The following USP36 variants were observed in gnomAD, a reference collection of about 807,000 sequenced individuals.
USP36 encodes the protein ubiquitin carboxyl-terminal hydrolase 36.
Under a neutral mutation model 111.5 loss-of-function variants are expected in USP36, and 59 were observed. The ratio of observed to expected loss-of-function variants is 0.53; its 90% CI spans 0.43 to 0.66. USP36 has a LOEUF of 0.66. Ranked by LOEUF, USP36 falls within the 30% of genes least tolerant of loss-of-function variation. The pLI is 0.00. For missense variants in USP36, 1,488 were observed against 1,468.0 expected (o/e 1.01, Z -0.22); for synonymous variants, 628 against 581.0 (o/e 1.08, Z -1.16).
downstream of USP36, among the ~76,000 whole-genome samples, chr17:78,793,359 G>C (rs1210168800): frequency 6.6e-6 from 1 of 152,112 alleles, no homozygotes; most frequent in Non-Finnish European, 1.5e-5. Flanking sequence ...TGAAGACCAA[G>C]GGCAGAAATC....
At chr17:78,833,932 T>C (rs531335228) in intron 4 of USP36, among the ~76,000 whole-genome samples, 3 of 152,156 alleles carry the variant, frequency 2.0e-5, no homozygotes, top group Admixed American at 6.6e-5. Context: ...GTGTAAAGGA[T>C]TGGAATTGTT....
chr17:78,824,854 A>C (rs995788320), intron 6 of USP36, among the ~76,000 whole-genome samples: 1 of 152,222 alleles, frequency 6.6e-6, no homozygotes, highest in Non-Finnish European at 1.5e-5. Flanking sequence ...AACCCTGCAA[A>C]AGCAGGGGCT....
At chr17:78,836,079 G>C (rs1015771627) in intron 3 of USP36, 32 bp downstream of exon 3, 1 of 1,603,100 alleles carries the variant, frequency 6.2e-7, no homozygotes, top group African/African-American at 1.3e-5. Flanking sequence ...CCGGAGTGAG[G>C]GCCTCTCTGC....
chr17:78,838,970 A>G (rs1468308483), intron 1 of USP36, among the ~76,000 whole-genome samples: 1 of 152,098 alleles, frequency 6.6e-6, no homozygotes, highest in Non-Finnish European at 1.5e-5. Flanking sequence ...TTGACCCCAG[A>G]CAAGCCCAGA....
intron 17 of USP36, 108 bp from the exon 18 acceptor site, chr17:78,799,876 CCTTTTTT>C: frequency 5.0e-6 from 1 of 201,664 alleles, no homozygotes; most frequent in South Asian, 1.1e-4. Flanking sequence ...TGGATGCTTG[CCTTTTTT>C]TTTTTTTTTT....
intron 4 of USP36, among the ~76,000 whole-genome samples, chr17:78,833,339 T>G (rs1272192494): frequency 6.6e-6 from 1 of 151,986 alleles, no homozygotes; most frequent in Non-Finnish European, 1.5e-5. Flanking sequence ...TAAAGTGCAG[T>G]GGTGTGATCT....
At position 78,798,640 on chromosome 17, in the gene USP36, A is replaced by G; in HGVS notation, c.3241-89T>C. The G allele has an allele frequency of 1.3e-6, 2 of 1,579,912 alleles. No individual in the cohort carries two copies. Among genetic ancestry groups the G allele is most frequent in the South Asian group, 2.3e-5 (2 of 88,720 alleles). ...CATGCTGCATGCAGGTCCTGCACAC[A>G]GGCCGGGCTCTCATGAGCTCTCTGG... On this transcript the variant is annotated intron_variant, in intron 19 of 20. Coordinates refer to ENST00000449938, the MANE Select transcript of USP36 (RefSeq NM_001385174.1). The surrounding 1 kb of genome is among the most constrained non-coding windows in gnomAD (Gnocchi z 5.1).
chr17:78,816,599 C>G (rs2094195308), intron 10 of USP36, among the ~76,000 whole-genome samples: 1 of 151,542 alleles, frequency 6.6e-6, no homozygotes, highest in African/African-American at 2.4e-5. Flanking sequence ...GCACTCTAGC[C>G]TGGGTGACAG....
At chr17:78,808,548 G>T (rs1343362011) in intron 13 of USP36, among the ~76,000 whole-genome samples, 1 of 152,198 alleles carries the variant, frequency 6.6e-6, no homozygotes, top group Non-Finnish European at 1.5e-5. Flanking sequence ...ACTGCACCCT[G>T]CCTGTCGGCC....
intron 12 of USP36, 144 bp downstream of exon 12, chr17:78,813,629 C>A: frequency 1.4e-6 from 1 of 696,558 alleles, no homozygotes. Flanking sequence ...GTGTCCTTCC[C>A]TGTGGACGGT....
chr17:78,835,578 T>C (rs184048871), intron 3 of USP36, 77 bp from the exon 4 acceptor site: 4 of 1,383,692 alleles, frequency 2.9e-6, no homozygotes, highest in Admixed American at 2.0e-5. Flanking sequence ...AAGAAACTCC[T>C]GAAGCATACA....
At chr17:78,821,394 A>G in intron 7 of USP36, 1 of 31,860 alleles carries the variant, frequency 3.1e-5, no homozygotes, top group Non-Finnish European at 6.2e-5. Context: ...GAGAATATAT[A>G]TATATATATA....
chr17:78,814,520 A>G lies in USP36; in HGVS notation c.1056T>C (p.Arg352=). ...CACCATTATTCTGGGACATATACGG[A>G]CGTATGTTGAGGAATTCCGGATAGC... The part of the protein sequence containing the change: ...DVGYPEFLNI[R]PYMSQNNGDP... Residue 352 remains arginine (R), a synonymous_variant, in exon 11 of 21, where the codon CGT becomes CGC. Transcript: ENST00000449938. 1 of 1,614,188 alleles carries G rather than the reference A, an allele frequency of 6.2e-7. No homozygotes were observed. Among genetic ancestry groups the G allele is most frequent in the Non-Finnish European group, 8.5e-7 (1 of 1,180,022 alleles).
At chr17:78,814,695 G>A (rs2094140019) in intron 10 of USP36, 143 bp from the exon 11 acceptor site, 3 of 1,016,736 alleles carry the variant, frequency 3.0e-6, no homozygotes, top group East Asian at 5.3e-5. Context: ...GCTCACGCCT[G>A]TAATCCCAGC....
downstream of USP36, among the ~76,000 whole-genome samples, chr17:78,794,353 G>A (rs936564694): frequency 2.0e-5 from 3 of 152,172 alleles, no homozygotes; most frequent in African/African-American, 7.2e-5. Context: ...CCTGCCCTGC[G>A]CTTTTGCACC....
rs374683284 is a variant in USP36, at chr17:78,802,594, G to A, written c.2811-59C>T. ...AGCAAATTGGAAGGGGAGCAGGAGC[G>A]CACAGACACCCGCCTGCAACATGGA... On this transcript the variant is annotated intron_variant, in intron 16 of 20. Coordinates refer to ENST00000449938, the MANE Select transcript of USP36 (RefSeq NM_001385174.1). The A allele has an allele frequency of 2.9e-5, 43 of 1,496,500 alleles. 5 individuals carry two copies. Among genetic ancestry groups the A allele is most frequent in the African/African-American group, 5.5e-5 (4 of 72,536 alleles). 92.7% of individuals were successfully genotyped at this position (1,496,500 alleles called of 1,614,324 possible).
At chr17:78,827,390 C>T (rs1361986146) in intron 5 of USP36, 43 bp from the exon 6 acceptor site, 2 of 1,565,918 alleles carry the variant, frequency 1.3e-6, no homozygotes, top group African/African-American at 1.3e-5. Context: ...CGTGTCTTCT[C>T]ATCAAACGGC....
chr17:78,837,339 A>G (rs1249816610), intron 2 of USP36, among the ~76,000 whole-genome samples: 1 of 152,068 alleles, frequency 6.6e-6, no homozygotes, highest in Non-Finnish European at 1.5e-5. Context: ...AAAGAGAAGA[A>G]GAAAAGCCAA....
intron 17 of USP36, 87 bp from the exon 18 acceptor site, chr17:78,799,855 C>T: frequency 2.0e-6 from 1 of 511,480 alleles, no homozygotes; most frequent in Non-Finnish European, 3.3e-6. Flanking sequence ...TATAAAACAA[C>T]TTACAGTAAG....
Sources: allele counts gnomAD v4.1 joint callset (sites outside exome capture counted in the v4.1 genomes callset), GRCh38; gene constraint gnomAD v4.1.1; non-coding constraint Gnocchi (gnomAD v3.1); transcripts MANE v1.5; gene names NCBI Gene and HGNC (gene_info 2026-07-23, HGNC 2026-07-21).